Variants in SDC2 observed in about 807,000 individuals in gnomAD.
SDC2 encodes syndecan-2.
Under a neutral mutation model 22.2 loss-of-function variants are expected in SDC2, and 13 were observed. That is an observed-to-expected ratio of 0.59 (90% CI 0.38 to 0.93). The LOEUF is 0.93. Among genes scored for constraint, SDC2 ranks in the 40% least tolerant of loss-of-function variants. SDC2 has a pLI of 0.00. For missense variants in SDC2, 235 were observed against 246.8 expected, an observed-to-expected ratio of 0.95 and a Z score of 0.32; for synonymous variants, 94 against 92.8, an observed-to-expected ratio of 1.01 and a Z score of -0.07.
intron 2 of SDC2, among the ~76,000 whole-genome samples, chr8:96,593,932 C>T (rs900215114): frequency 3.3e-5 from 5 of 152,050 alleles, no homozygotes; most frequent in African/African-American, 7.2e-5. Context: ...AGCTTTTAAT[C>T]GTATTAAGAC....
chr8:96,557,990 A>G (rs1362330801), intron 1 of SDC2, among the ~76,000 whole-genome samples: 1 of 152,144 alleles, frequency 6.6e-6, no homozygotes, highest in African/African-American at 2.4e-5. Context: ...TGTCTAACCC[A>G]TGTCTACATT....
intron 1 of SDC2, among the ~76,000 whole-genome samples, chr8:96,495,673 C>G (rs529076660): frequency 6.6e-6 from 1 of 152,252 alleles, no homozygotes; most frequent in Non-Finnish European, 1.5e-5. Context: ...GAGTCTCCCT[C>G]CCCCCCTTTT....
At chr8:96,520,739 G>T (rs1415036785) in intron 1 of SDC2, among the ~76,000 whole-genome samples, 1 of 152,182 alleles carries the variant, frequency 6.6e-6, no homozygotes, top group Non-Finnish European at 1.5e-5. Flanking sequence ...GAGGAGGTCT[G>T]ATGCAGTTCT....
At chr8:96,496,937 A>C (rs1813086201) in intron 1 of SDC2, among the ~76,000 whole-genome samples, 1 of 152,190 alleles carries the variant, frequency 6.6e-6, no homozygotes, top group African/African-American at 2.4e-5. Context: ...GCACCAGGCA[A>C]GGGGAAAATC....
intron 1 of SDC2, among the ~76,000 whole-genome samples, chr8:96,534,406 C>T (rs1179112016): frequency 6.6e-6 from 1 of 152,190 alleles, no homozygotes; most frequent in Non-Finnish European, 1.5e-5. Context: ...TGTGGTGGCA[C>T]ATTTGAGACT....
At chr8:96,564,210 A>G (rs1586302304) in intron 1 of SDC2, among the ~76,000 whole-genome samples, 1 of 152,284 alleles carries the variant, frequency 6.6e-6, no homozygotes, top group African/African-American at 2.4e-5. Context: ...CCTTTGTCTC[A>G]TTCACAGTGT....
chr8:96,551,369 T>A (rs1250462703), intron 1 of SDC2, among the ~76,000 whole-genome samples: 3 of 152,238 alleles, frequency 2.0e-5, no homozygotes, highest in African/African-American at 7.2e-5. Flanking sequence ...AGTAAATAAT[T>A]ACTAATAACT....
chr8:96,576,379 G>GTTTTTTTCTT (rs1365620450), intron 1 of SDC2, among the ~76,000 whole-genome samples: 1 of 47,564 alleles, frequency 2.1e-5, no homozygotes, highest in East Asian at 4.5e-4. Context: ...TTTTTGTTTT[G>GTTTTTTTCTT]TTTTGTTTTT....
intron 1 of SDC2, among the ~76,000 whole-genome samples, chr8:96,563,002 T>A (rs1024623662): frequency 1.3e-5 from 2 of 152,148 alleles, no homozygotes; most frequent in Admixed American, 6.5e-5. Context: ...CACCCCTAAT[T>A]TGTTTTCGTG....
At chr8:96,498,769 C>T (rs1174055886) in intron 1 of SDC2, among the ~76,000 whole-genome samples, 3 of 152,156 alleles carry the variant, frequency 2.0e-5, no homozygotes, top group Non-Finnish European at 2.9e-5. Flanking sequence ...GGATTATAGA[C>T]GTGAGCCACT....
intron 2 of SDC2, among the ~76,000 whole-genome samples, chr8:96,595,844 C>T (rs1392428310): frequency 6.6e-6 from 1 of 152,188 alleles, no homozygotes; most frequent in Non-Finnish European, 1.5e-5. Context: ...GTCCTGAACC[C>T]ACTGATCAGA....
intron 1 of SDC2, among the ~76,000 whole-genome samples, chr8:96,521,154 A>C (rs957580286): frequency 6.6e-6 from 1 of 152,196 alleles, no homozygotes; most frequent in Non-Finnish European, 1.5e-5. Context: ...GATGATTTTC[A>C]CATTCGTATA....
intron 1 of SDC2, among the ~76,000 whole-genome samples, chr8:96,570,313 A>G (rs2130581080): frequency 6.6e-6 from 1 of 152,314 alleles, no homozygotes; most frequent in South Asian, 2.1e-4. Flanking sequence ...TACAGGATCA[A>G]AGTGATATTT....
intron 1 of SDC2, among the ~76,000 whole-genome samples, chr8:96,567,668 A>C (rs1045756843): frequency 5.9e-5 from 9 of 152,216 alleles, no homozygotes; most frequent in Admixed American, 6.5e-5. Flanking sequence ...AAGTTGCTGC[A>C]AAAGACATTA....
At chr8:96,526,771 A>G (rs1411039869) in intron 1 of SDC2, among the ~76,000 whole-genome samples, 1 of 151,928 alleles carries the variant, frequency 6.6e-6, no homozygotes, top group Non-Finnish European at 1.5e-5. Context: ...TTGTGTGTTG[A>G]CCCCTGTGTA....
intron 2 of SDC2, among the ~76,000 whole-genome samples, chr8:96,599,784 T>C (rs528881318): frequency 1.6e-4 from 24 of 152,296 alleles, no homozygotes; most frequent in African/African-American, 5.8e-4. Context: ...CTGCCATTTC[T>C]TCTGTATAAT....
chr8:96,530,566 A>G (rs2575723), intron 1 of SDC2, among the ~76,000 whole-genome samples: 34,666 of 152,004 alleles, frequency 0.23, 4,796 homozygotes, highest in African/African-American at 0.39. Flanking sequence ...CCCAGGAGGC[A>G]GAGGTTGCAG....
intron 1 of SDC2, among the ~76,000 whole-genome samples, chr8:96,576,539 C>T (rs568294652): frequency 1.7e-5 from 2 of 119,382 alleles, no homozygotes; most frequent in African/African-American, 5.8e-5. Flanking sequence ...CCTGCCTCAG[C>T]CTCCCAAGTA....
chr8:96,503,543 A>G (rs896651224), intron 1 of SDC2, among the ~76,000 whole-genome samples: 2 of 152,152 alleles, frequency 1.3e-5, no homozygotes, highest in Non-Finnish European at 2.9e-5. Context: ...ACACAAACAT[A>G]CACAGCATGA....
Sources: allele counts gnomAD v4.1 joint callset (sites outside exome capture counted in the v4.1 genomes callset), GRCh38; gene constraint gnomAD v4.1.1; transcripts MANE v1.5; gene names NCBI Gene and HGNC (gene_info 2026-07-23, HGNC 2026-07-21).